Variants in EMCN observed in about 807,000 individuals in gnomAD.
The protein encoded by EMCN is endomucin.
EMCN carries 37 observed loss-of-function variants against 38.4 expected under a neutral mutation model. That is an observed-to-expected ratio of 0.96 (90% confidence interval 0.74 to 1.27). EMCN has a LOEUF of 1.27. EMCN is among the 50% of genes most tolerant of loss of function. The pLI is 0.00. For missense variants in EMCN, 318 were observed against 302.8 expected (o/e 1.05, Z -0.37); for synonymous variants, 95 against 100.8 (o/e 0.94, Z 0.35).
intron 5 of EMCN, among the ~76,000 whole-genome samples, chr4:100,429,604 T>C (rs1260861376): frequency 6.6e-6 from 1 of 152,172 alleles, no homozygotes; most frequent in Non-Finnish European, 1.5e-5. Context: ...GTTAGTAACC[T>C]GAGGTAATAA....
chr4:100,431,181 T>C (rs917777820), intron 5 of EMCN, among the ~76,000 whole-genome samples: 2 of 152,114 alleles, frequency 1.3e-5, no homozygotes, highest in African/African-American at 2.4e-5. Flanking sequence ...TTCTATCAGA[T>C]GTAATGACCA....
chr4:100,402,198 G>A (rs1296063517), intron 11 of EMCN, among the ~76,000 whole-genome samples: 1 of 152,062 alleles, frequency 6.6e-6, no homozygotes, highest in East Asian at 1.9e-4. Flanking sequence ...GCTCATAAAT[G>A]TTTCAAAATT....
At chr4:100,433,350 C>T (rs1326906201) in intron 5 of EMCN, among the ~76,000 whole-genome samples, 1 of 152,066 alleles carries the variant, frequency 6.6e-6, no homozygotes, top group Admixed American at 6.6e-5. Context: ...TATTCTTTAT[C>T]CATTCATCCA....
intron 3 of EMCN, among the ~76,000 whole-genome samples, chr4:100,473,365 G>GGTTTTTTTTTTT (rs1728533364): frequency 1.0e-4 from 3 of 29,840 alleles, no homozygotes; most frequent in African/African-American, 1.6e-4. Flanking sequence ...CCCGTTTCGT[G>GGTTTTTTTTTTT]TTTTTTTGTT....
At chr4:100,428,735 G>A (rs1263351231) in intron 5 of EMCN, among the ~76,000 whole-genome samples, 5 of 152,072 alleles carry the variant, frequency 3.3e-5, no homozygotes, top group Admixed American at 1.3e-4. Flanking sequence ...GTTTAAAATC[G>A]TGATATTATT....
chr4:100,441,385 C>T (rs181674980), intron 5 of EMCN, among the ~76,000 whole-genome samples: 2 of 152,244 alleles, frequency 1.3e-5, no homozygotes, highest in African/African-American at 2.4e-5. Context: ...TTACTTTCAG[C>T]CTATGTGTCC....
chr4:100,515,721 T>C (rs757269365), intron 1 of EMCN, among the ~76,000 whole-genome samples: 3 of 152,042 alleles, frequency 2.0e-5, no homozygotes, highest in Non-Finnish European at 4.4e-5. Context: ...ATTCCTAAGT[T>C]TGAGGAACAT....
At chr4:100,465,380 C>T in intron 4 of EMCN, 43 bp downstream of exon 4, 1 of 1,137,828 alleles carries the variant, frequency 8.8e-7, no homozygotes, top group Non-Finnish European at 1.3e-6. Flanking sequence ...TAGTTTTATG[C>T]AACACACTAG....
chr4:100,432,877 A>G (rs531118858), intron 5 of EMCN, among the ~76,000 whole-genome samples: 1 of 152,170 alleles, frequency 6.6e-6, no homozygotes, highest in East Asian at 1.9e-4. Flanking sequence ...TAAGGTATAC[A>G]ACATGATATT....
At chr4:100,494,963 A>G (rs891182986) in intron 1 of EMCN, among the ~76,000 whole-genome samples, 1 of 152,094 alleles carries the variant, frequency 6.6e-6, no homozygotes, top group Non-Finnish European at 1.5e-5. Context: ...TTTGTCATCC[A>G]TGAAGGAAGG....
chr4:100,409,832 C>T (rs555655103), intron 11 of EMCN, among the ~76,000 whole-genome samples: 6 of 152,220 alleles, frequency 3.9e-5, no homozygotes, highest in Non-Finnish European at 7.3e-5. Context: ...AGCCAGCCTA[C>T]GGCTGTGATA....
At chr4:100,440,277 T>C (rs1727473451) in intron 5 of EMCN, among the ~76,000 whole-genome samples, 1 of 152,098 alleles carries the variant, frequency 6.6e-6, no homozygotes, top group African/African-American at 2.4e-5. Flanking sequence ...GTACAAGTGG[T>C]TTTTTTGTTA....
intron 2 of EMCN, among the ~76,000 whole-genome samples, chr4:100,475,730 T>G (rs1728627684): frequency 7.7e-6 from 1 of 129,400 alleles, no homozygotes; most frequent in Non-Finnish European, 1.6e-5. Flanking sequence ...CAGGCTGGAG[T>G]GCAGTGGCGC....
chr4:100,447,329 TC>T (rs1240349472), intron 5 of EMCN, among the ~76,000 whole-genome samples: 1 of 152,162 alleles, frequency 6.6e-6, no homozygotes, highest in African/African-American at 2.4e-5. Flanking sequence ...CTCACCTTAG[TC>T]ACAGAACACT....
intron 1 of EMCN, among the ~76,000 whole-genome samples, chr4:100,499,829 A>G (rs1729301981): frequency 6.6e-6 from 1 of 152,226 alleles, no homozygotes; most frequent in African/African-American, 2.4e-5. Context: ...AATTTGAGGC[A>G]GTCACATCTT....
chr4:100,458,645 G>C (rs1289414396), intron 4 of EMCN, among the ~76,000 whole-genome samples: 1 of 151,990 alleles, frequency 6.6e-6, no homozygotes, highest in Non-Finnish European at 1.5e-5. Flanking sequence ...TGAGAAGGGG[G>C]ACCTAAAGTC....
chr4:100,466,612 A>G (rs1163795402), intron 3 of EMCN, among the ~76,000 whole-genome samples: 1 of 152,224 alleles, frequency 6.6e-6, no homozygotes, highest in African/African-American at 2.4e-5. Flanking sequence ...TATGAGAGAG[A>G]ATGACTGGAA....
intron 1 of EMCN, among the ~76,000 whole-genome samples, chr4:100,504,883 T>C (rs1434782984): frequency 6.6e-6 from 1 of 152,226 alleles, no homozygotes; most frequent in Non-Finnish European, 1.5e-5. Flanking sequence ...TCCAGAGGCC[T>C]AACCATCTCC....
intron 1 of EMCN, among the ~76,000 whole-genome samples, chr4:100,503,485 A>C (rs1206661239): frequency 6.6e-6 from 1 of 151,962 alleles, no homozygotes; most frequent in Non-Finnish European, 1.5e-5. Flanking sequence ...AGGATTACCA[A>C]CCTTATCATT....
Sources: gnomAD v4.1 joint callset for allele counts (sites outside exome capture counted in the v4.1 genomes callset) on GRCh38, gnomAD v4.1.1 for gene constraint, MANE v1.5 for transcripts, NCBI Gene and HGNC (gene_info 2026-07-23, HGNC 2026-07-21) for gene names.